Variants in RAB11FIP3 observed in about 807,000 individuals in gnomAD.
RAB11FIP3 encodes RAB11 family interacting protein 3, also known as rab11 family-interacting protein 3.
RAB11FIP3 carries 17 observed loss-of-function variants against 77.8 expected under a neutral mutation model. The observed-to-expected ratio is 0.22, with a 90% CI of 0.15 to 0.33. RAB11FIP3 has a LOEUF of 0.33. Among genes scored for constraint, RAB11FIP3 ranks in the 10% least tolerant of loss-of-function variants. The pLI, the probability that RAB11FIP3 is intolerant of heterozygous loss-of-function variation, is 1.00. For missense variants in RAB11FIP3, 1,005 were observed against 1,011.2 expected (o/e 0.99, Z 0.08); for synonymous variants, 437 against 448.2 (o/e 0.98, Z 0.31).
In RAB11FIP3 at chr16:459,346, G is replaced by A. The variant is rs560922935; in HGVS notation, c.715-2058G>A. On this transcript the variant is annotated intron_variant, in intron 1 of 13. Transcript: ENST00000262305. ...TCTCCACGTTGGTGAGGCTGGTCTC[G>A]AACTCCGGACCTCAGGTGATCCGCC... Among the ~76,000 whole-genome samples the A allele has an allele frequency of 4.0e-5, 6 of 151,048 alleles. No individual in the cohort carries two copies. In the South Asian group the frequency reaches 1.0e-3, roughly 26 times the overall value.
chr16:486,130 C>G (rs1055160597), intron 4 of RAB11FIP3, among the ~76,000 whole-genome samples: 10 of 152,022 alleles, frequency 6.6e-5, no homozygotes, highest in African/African-American at 2.2e-4. Context: ...CCTCAAACTG[C>G]CAGCCTCAAG....
At chr16:457,922 A>G (rs1176458016) in intron 1 of RAB11FIP3, among the ~76,000 whole-genome samples, 1 of 152,228 alleles carries the variant, frequency 6.6e-6, no homozygotes, top group East Asian at 1.9e-4. Flanking sequence ...TTTGTGAGAT[A>G]AGTGGGGAGA....
intron 3 of RAB11FIP3, chr16:474,999 G>A (rs367831398): frequency 1.3e-4 from 200 of 1,551,602 alleles, no homozygotes; most frequent in Admixed American, 1.8e-4. Flanking sequence ...CGGTTGGGAC[G>A]GAGACACGAT....
intron 1 of RAB11FIP3, among the ~76,000 whole-genome samples, chr16:431,454 A>G (rs1049567280): frequency 4.7e-5 from 7 of 149,524 alleles, no homozygotes; most frequent in Non-Finnish European, 1.5e-5. Flanking sequence ...ATCTCAGTTC[A>G]CTGCAACCTC....
In RAB11FIP3 at chr16:513,946, G is replaced by A. The variant is rs532625783; in HGVS notation, c.1640+3146G>A. 1.8e-3 allele frequency among the ~76,000 whole-genome samples: 281 copies of A among 152,338 alleles called. 2 individuals are homozygous for A. Among genetic ancestry groups the A allele is most frequent in the African/African-American group, 6.1e-3 (255 of 41,586 alleles). ...TAAAGTACGTTTCTCGTCTGTGAGC[G>A]CCAGGGAGCACCTCCCATGGGACCT... is the stretch of plus-strand genomic sequence containing the variant. On this transcript the variant is annotated intron_variant, in intron 9 of 13. Coordinates refer to ENST00000262305, the MANE Select transcript of RAB11FIP3 (RefSeq NM_014700.4).
chr16:458,526 G>A (rs1274079407), intron 1 of RAB11FIP3, among the ~76,000 whole-genome samples: 11 of 123,336 alleles, frequency 8.9e-5, no homozygotes, highest in African/African-American at 2.3e-4. Context: ...GGCCTTCCTC[G>A]GGTTCACCGA....
chr16:457,185 C>T (rs2055518062), intron 1 of RAB11FIP3, among the ~76,000 whole-genome samples: 1 of 152,078 alleles, frequency 6.6e-6, no homozygotes, highest in African/African-American at 2.4e-5. Flanking sequence ...GTGTGTTATT[C>T]GAGAATCCTG....
intron 1 of RAB11FIP3, among the ~76,000 whole-genome samples, chr16:454,671 A>G (rs1488807504): frequency 6.6e-6 from 1 of 152,188 alleles, no homozygotes; most frequent in Non-Finnish European, 1.5e-5. Context: ...CCTGAGGCTA[A>G]TGTGATTTGG....
In RAB11FIP3 at chr16:436,099, A is replaced by G. The variant is rs8061837; in HGVS notation, c.714+9379A>G. Among the ~76,000 whole-genome samples, 186 of 152,258 alleles carry G rather than the reference A, an allele frequency of 1.2e-3. 3 individuals carry two copies. The highest frequency in any genetic ancestry group is 8.8e-3 in the Admixed American group (135 of 15,290). On this transcript the variant is annotated intron_variant, in intron 1 of 13. Coordinates refer to ENST00000262305, the MANE Select transcript of RAB11FIP3 (RefSeq NM_014700.4). ...GCCGACGCCGGCGACTCACAAGGTC[A>G]GGAGTTCGAGACCAGCCTGGCTAAC...
At chr16:485,834 C>A (rs1321065563) in intron 4 of RAB11FIP3, among the ~76,000 whole-genome samples, 4 of 152,230 alleles carry the variant, frequency 2.6e-5, no homozygotes, top group Admixed American at 6.5e-5. Context: ...TGTTTACTTA[C>A]GCTTTCTTTT....
chr16:469,845 G>A (rs758709511), intron 2 of RAB11FIP3, among the ~76,000 whole-genome samples: 2 of 151,370 alleles, frequency 1.3e-5, no homozygotes, highest in Non-Finnish European at 2.9e-5. Context: ...TTTTTTCTTC[G>A]AGACAGGGTC....
At chr16:466,175 G>A (rs1389094382) in intron 2 of RAB11FIP3, among the ~76,000 whole-genome samples, 1 of 152,174 alleles carries the variant, frequency 6.6e-6, no homozygotes, top group East Asian at 1.9e-4. Flanking sequence ...GTGACTGAGG[G>A]CAGCCTGCAG....
intron 2 of RAB11FIP3, among the ~76,000 whole-genome samples, chr16:467,920 G>A (rs796996598): frequency 1.0e-4 from 12 of 114,302 alleles, no homozygotes; most frequent in South Asian, 3.2e-4. Context: ...AGGTGCAGGG[G>A]CGTCAGGGAG....
intron 1 of RAB11FIP3, among the ~76,000 whole-genome samples, chr16:438,071 AG>A: frequency 1.3e-5 from 2 of 151,418 alleles, no homozygotes; most frequent in East Asian, 3.9e-4. Flanking sequence ...GGCCTCCCAA[AG>A]TGCTGGGATT....
chr16:432,485 T>C (rs1260918847), intron 1 of RAB11FIP3, among the ~76,000 whole-genome samples: 1 of 152,096 alleles, frequency 6.6e-6, no homozygotes, highest in African/African-American at 2.4e-5. Context: ...AAGAGATAAT[T>C]AAATATTTAA....
chr16:492,447 C>CTCCCGGGAGACCCG (rs1233044882), intron 5 of RAB11FIP3, among the ~76,000 whole-genome samples: 1 of 140,306 alleles, frequency 7.1e-6, no homozygotes, highest in African/African-American at 2.6e-5. Flanking sequence ...CGAGGCCGCC[C>CTCCCGGGAGACCCG]AGGGCCCTTC....
At chr16:480,286 CA>C (rs56228402) in intron 3 of RAB11FIP3, among the ~76,000 whole-genome samples, 2,451 of 80,000 alleles carry the variant, frequency 0.031, 99 homozygotes, top group African/African-American at 0.1. Flanking sequence ...ACTCCTTCTC[CA>C]AAAAAAAAAA....
At chr16:489,877 C>T (rs536704411) in intron 5 of RAB11FIP3, among the ~76,000 whole-genome samples, 31 of 152,308 alleles carry the variant, frequency 2.0e-4, no homozygotes, top group African/African-American at 5.3e-4. Flanking sequence ...GGACCCTGCA[C>T]GGATATCCTG....
rs966425334 is a variant in RAB11FIP3, at chr16:471,453, C to T, written c.903+64C>T. ...CATCCACCTCTTCCTTTATGCCCTA[C>T]AGCTCGTGCCTCCTGCCTCCGGGCT... On this transcript the variant is annotated intron_variant, in intron 3 of 13. Coordinates refer to ENST00000262305, the MANE Select transcript of RAB11FIP3 (RefSeq NM_014700.4). The surrounding 1 kb of genome is among the most constrained non-coding windows in gnomAD (Gnocchi z 4.4). 5.3e-6 allele frequency: 7 copies of T among 1,330,604 alleles called. No individual in the cohort carries two copies. The highest frequency in any genetic ancestry group is 3.9e-5 in the Admixed American group (2 of 51,372). The allele number at this position is 1,330,604 out of a possible 1,614,324, so 82.4% of individuals were successfully genotyped here. A position where few individuals can be genotyped will look rare whatever the true frequency, so the allele number is the denominator to read the frequency against.
Sources: allele counts gnomAD v4.1 joint callset (sites outside exome capture counted in the v4.1 genomes callset), GRCh38; gene constraint gnomAD v4.1.1; non-coding constraint Gnocchi (gnomAD v3.1); transcripts MANE v1.5; gene names NCBI Gene and HGNC (gene_info 2026-07-23, HGNC 2026-07-21).